The following ZMAT3 variants were observed in gnomAD, a reference collection of about 807,000 sequenced individuals.
ZMAT3 encodes zinc finger matrin-type 3.
In ZMAT3, 17 loss-of-function variants were observed where a neutral mutation model predicts 32.3. The observed-to-expected ratio is 0.53, with a 90% CI of 0.36 to 0.79. The LOEUF (loss-of-function observed/expected upper bound fraction) is 0.79. Among genes scored for constraint, ZMAT3 ranks in the 30% least tolerant of loss-of-function variants. The pLI is 0.00. For missense variants in ZMAT3, 329 were observed against 359.7 expected (o/e 0.91, Z 0.69); for synonymous variants, 120 against 133.1 (o/e 0.90, Z 0.68).
rs1031434759 is a variant in ZMAT3 at position 179,036,771 on chromosome 3, T to C, written c.271-5772A>G. Among the ~76,000 whole-genome samples the C allele has an allele frequency of 2.6e-5, 4 of 152,210 alleles. No individual in the cohort carries two copies. The South Asian group carries it at 8.3e-4, about 32-fold the overall frequency. On this transcript the variant is annotated intron_variant, in intron 2 of 5. Coordinates refer to ENST00000311417, the MANE Select transcript of ZMAT3 (RefSeq NM_022470.4). ...CAGCAACTGGAGACAGACAAATTCC[T>C]AGGCAGACAGGGATGGGTCCCTGTG...
chr3:179,032,582 G>A (rs938707291), intron 2 of ZMAT3, among the ~76,000 whole-genome samples: 3 of 145,230 alleles, frequency 2.1e-5, no homozygotes, highest in South Asian at 2.2e-4. Flanking sequence ...GCCACCCATC[G>A]TCTGGGATGT....
intron 2 of ZMAT3, among the ~76,000 whole-genome samples, chr3:179,051,458 A>C (rs1720553000): frequency 6.6e-6 from 1 of 152,216 alleles, no homozygotes; most frequent in South Asian, 2.1e-4. Context: ...GAGCTGAAAG[A>C]CCTCTACAAA....
At chr3:179,068,706 C>G (rs1721552921) in intron 1 of ZMAT3, among the ~76,000 whole-genome samples, 1 of 152,202 alleles carries the variant, frequency 6.6e-6, no homozygotes, top group South Asian at 2.1e-4. Flanking sequence ...TTCTGATCAA[C>G]TAGCAATATT....
rs1296430461 is a variant in ZMAT3 at position 179,020,563 on chromosome 3, A to G, written c.*4454T>C. 3.3e-5 allele frequency: 5 copies of G among 152,250 alleles called. No homozygotes were observed. Among genetic ancestry groups the G allele is most frequent in the South Asian group, 4.1e-4 (2 of 4,838 alleles). The allele number at this position is 152,250 out of a possible 1,614,324, so 9.4% of individuals were successfully genotyped here. ...AAACATCTGTTCAAAAGCCTGCATT[A>G]AACTTTTATCTGTCCTGACAAAACA... On this transcript the variant is annotated 3_prime_UTR_variant, in exon 6 of 6. Transcript: ENST00000311417.
intron 5 of ZMAT3, among the ~76,000 whole-genome samples, 174 bp from the exon 6 acceptor site, chr3:179,025,402 G>A (rs905081457): frequency 2.0e-5 from 3 of 152,162 alleles, no homozygotes; most frequent in South Asian, 4.1e-4. Context: ...ACACAGGTTC[G>A]ATCTAAAAAG....
chr3:179,072,273 G>C (rs1721763813), upstream of ZMAT3: 1 of 152,588 alleles, frequency 6.6e-6, no homozygotes. Context: ...TCCGCCCCAG[G>C]ATGGAGGAAG....
chr3:179,040,421 C>G (rs896846479), intron 2 of ZMAT3, among the ~76,000 whole-genome samples: 1 of 152,110 alleles, frequency 6.6e-6, no homozygotes, highest in Non-Finnish European at 1.5e-5. Flanking sequence ...GAGTGGGGGC[C>G]GATATTCAAC....
Position 179,054,865 on chromosome 3 carries a change from C to T in ZMAT3, c.270+12618G>A, listed in dbSNP as rs116238197. Among the ~76,000 whole-genome samples the T allele has an allele frequency of 1.4e-4, 22 of 152,332 alleles. 1 individual carries two copies. In the East Asian group the frequency reaches 2.9e-3, roughly 20 times the overall value. ...CTAAAGGCTTGCCATTGTTCCCACACGGCTAAGTGCCCGGGTTCATCCTAA... is the reference window on the plus strand; with the variant it reads ...CTAAAGGCTTGCCATTGTTCCCACATGGCTAAGTGCCCGGGTTCATCCTAA... On this transcript the variant is annotated intron_variant, in intron 2 of 5. Coordinates refer to ENST00000311417, the MANE Select transcript of ZMAT3 (RefSeq NM_022470.4).
intron 2 of ZMAT3, among the ~76,000 whole-genome samples, chr3:179,032,342 C>T (rs1005352968): frequency 2.0e-5 from 3 of 152,060 alleles, no homozygotes; most frequent in Middle Eastern, 3.4e-3. Context: ...GGCGTGATCT[C>T]GGCTTGCTAC....
At chr3:179,061,796 C>A (rs898662215) in intron 2 of ZMAT3, among the ~76,000 whole-genome samples, 1 of 152,094 alleles carries the variant, frequency 6.6e-6, no homozygotes, top group Non-Finnish European at 1.5e-5. Context: ...AATATTTCCC[C>A]ACTCATAATA....
rs937095111 is a variant in ZMAT3, at chr3:179,020,372, C to T, written c.*4645G>A. 1 of 152,212 alleles carries T rather than the reference C, an allele frequency of 6.6e-6. No homozygotes were observed. Among genetic ancestry groups the T allele is most frequent in the African/African-American group, 2.4e-5 (1 of 41,458 alleles). 9.4% of individuals were successfully genotyped at this position (152,212 alleles called of 1,614,324 possible). ...GTTTTATGAGAAGCTATTTACACAG[C>T]TATTTGTCCATTCAGCCAGAGTGAC... On this transcript the variant is annotated 3_prime_UTR_variant, in exon 6 of 6. Coordinates refer to ENST00000311417, the MANE Select transcript of ZMAT3 (RefSeq NM_022470.4).
intron 2 of ZMAT3, among the ~76,000 whole-genome samples, chr3:179,052,167 G>C (rs1720600364): frequency 6.6e-6 from 1 of 152,092 alleles, no homozygotes; most frequent in African/African-American, 2.4e-5. Flanking sequence ...AAACTAAAAA[G>C]CTTCTGCACA....
In ZMAT3 at chr3:179,020,608, A is replaced by T. The variant is rs1253781937; in HGVS notation, c.*4409T>A. The T allele has an allele frequency of 2.0e-5, 3 of 152,222 alleles. No homozygotes were observed. Among genetic ancestry groups the T allele is most frequent in the Non-Finnish European group, 4.4e-5 (3 of 68,046 alleles). The allele number at this position is 152,222 out of a possible 1,614,324, so 9.4% of individuals were successfully genotyped here. Reference sequence around the variant, plus strand: ...AAAACATGTCTCAATTTCTTTCTAAAGCAGCTCTATTGTCCTAGCATATGC... The same window carrying T: ...AAAACATGTCTCAATTTCTTTCTAATGCAGCTCTATTGTCCTAGCATATGC... On this transcript the variant is annotated 3_prime_UTR_variant, in exon 6 of 6. Transcript: ENST00000311417.
intron 2 of ZMAT3, among the ~76,000 whole-genome samples, chr3:179,042,102 C>A (rs961808026): frequency 6.6e-6 from 1 of 152,086 alleles, no homozygotes; most frequent in African/African-American, 2.4e-5. Flanking sequence ...AATAGCCTAC[C>A]AATCAAAAAA....
chr3:179,068,451 G>A (rs963314771), intron 1 of ZMAT3, among the ~76,000 whole-genome samples: 2 of 151,994 alleles, frequency 1.3e-5, no homozygotes, highest in African/African-American at 2.4e-5. Flanking sequence ...GGCAGAGGTG[G>A]TCGTGAGCCG....
At chr3:179,062,136 C>T (rs1454404104) in intron 2 of ZMAT3, among the ~76,000 whole-genome samples, 1 of 151,944 alleles carries the variant, frequency 6.6e-6, no homozygotes, top group Non-Finnish European at 1.5e-5. Flanking sequence ...TTGGCTAATG[C>T]TACAAAGGGG....
chr3:179,065,185 C>A (rs1327959916), intron 2 of ZMAT3, among the ~76,000 whole-genome samples: 1 of 152,160 alleles, frequency 6.6e-6, no homozygotes, highest in African/African-American at 2.4e-5. Flanking sequence ...TCTTTCCCAT[C>A]TTTACCCTGG....
chr3:179,035,271 C>T (rs949406278), intron 2 of ZMAT3, among the ~76,000 whole-genome samples: 3 of 152,210 alleles, frequency 2.0e-5, no homozygotes, highest in Non-Finnish European at 2.9e-5. Flanking sequence ...ATCTCTTGGG[C>T]CTTATGTCAG....
intron 2 of ZMAT3, among the ~76,000 whole-genome samples, chr3:179,033,524 A>C (rs1019370413): frequency 2.9e-5 from 4 of 139,268 alleles, no homozygotes; most frequent in African/African-American, 1.1e-4. Flanking sequence ...AAGGAAAGAA[A>C]GAAAAGAAAA....
Sources: gnomAD v4.1 joint callset for allele counts (sites outside exome capture counted in the v4.1 genomes callset) on GRCh38, gnomAD v4.1.1 for gene constraint, MANE v1.5 for transcripts, NCBI Gene and HGNC (gene_info 2026-07-23, HGNC 2026-07-21) for gene names.